SLC43A2: variants seen among roughly 807,000 people sequenced by gnomAD.
The protein encoded by SLC43A2 is solute carrier family 43 member 2, also known as large neutral amino acids transporter small subunit 4.
In SLC43A2, 38 loss-of-function variants were observed where a neutral mutation model predicts 63.2. The ratio of observed to expected loss-of-function variants is 0.60; its 90% CI spans 0.46 to 0.79. SLC43A2 has a LOEUF of 0.79. Ranked by LOEUF, SLC43A2 falls within the 30% of genes least tolerant of loss-of-function variation. The pLI is 0.00. For synonymous variants in SLC43A2, 322 were observed against 331.0 expected, an observed-to-expected ratio of 0.97 and a Z score of 0.30; for missense variants, 644 against 756.2, an observed-to-expected ratio of 0.85 and a Z score of 1.74.
At chr17:1,619,141 C>G (rs1225558380) in intron 2 of SLC43A2, among the ~76,000 whole-genome samples, 1 of 152,000 alleles carries the variant, frequency 6.6e-6, no homozygotes, top group Non-Finnish European at 1.5e-5. Flanking sequence ...CCCATCTCTA[C>G]TAAAAATACA....
intron 6 of SLC43A2, 34 bp from the exon 7 acceptor site, chr17:1,591,733 G>GC: frequency 3.3e-6 from 2 of 598,518 alleles, no homozygotes; most frequent in South Asian, 1.6e-5. Context: ...GTGGGGGGGG[G>GC]AGGGGGCAGA....
intron 5 of SLC43A2, among the ~76,000 whole-genome samples, chr17:1,600,549 C>CTTTTTTT (rs398030152): frequency 2.7e-5 from 2 of 73,764 alleles, no homozygotes; most frequent in African/African-American, 1.0e-4. Context: ...TTTCTTTCCT[C>CTTTTTTT]TTTTTTTTTT....
chr17:1,613,872 G>A (rs1907347219), intron 4 of SLC43A2, among the ~76,000 whole-genome samples: 1 of 152,134 alleles, frequency 6.6e-6, no homozygotes, highest in Non-Finnish European at 1.5e-5. Context: ...GCTGAAGCAG[G>A]AGAATTGCTT....
At chr17:1,627,280 G>C (rs1908741444) in intron 2 of SLC43A2, among the ~76,000 whole-genome samples, 1 of 152,120 alleles carries the variant, frequency 6.6e-6, no homozygotes, top group South Asian at 2.1e-4. Context: ...CCCTGGGGTG[G>C]AGGCAAGGCC....
Position 1,591,354 on chromosome 17 carries a change from G to T in SLC43A2, c.846C>A (p.Ala282=). 1 of 1,611,282 alleles carries T rather than the reference G, an allele frequency of 6.2e-7. No homozygotes were observed. The change falls in exon 8 of 14, where the codon GCC becomes GCA. Residue 282 remains alanine (A), a synonymous_variant. Coordinates refer to ENST00000301335, the MANE Select transcript of SLC43A2 (RefSeq NM_152346.3). ...RLSVGSSMRS[A]KEQVALQEGH... is the part of the protein sequence containing the mutation. ...CCTCCTGCAGCGCCACCTGCTCCTT[G>T]GCACTCCTCATGGAGCTGCCCACAC... is the stretch of plus-strand genomic sequence containing the variant.
In SLC43A2 at chr17:1,571,161, T is replaced by C. The variant is rs1284922589; in HGVS notation, c.*4443A>G. The C allele has an allele frequency of 6.6e-6, 1 of 152,202 alleles. No homozygotes were observed. Among genetic ancestry groups the C allele is most frequent in the African/African-American group, 2.4e-5 (1 of 41,450 alleles). The allele number at this position is 152,202 out of a possible 1,614,324, so 9.4% of individuals were successfully genotyped here. On this transcript the variant is annotated 3_prime_UTR_variant, in exon 14 of 14. Coordinates refer to ENST00000301335, the MANE Select transcript of SLC43A2 (RefSeq NM_152346.3). The surrounding 1 kb of genome is among the most constrained non-coding windows in gnomAD (Gnocchi z 5.2). ...GTGGAGTGTGCTGCACCTCCTTCAG[T>C]GGCCTTCAGGAGCTCTGTCCTCACC... is the stretch of plus-strand genomic sequence containing the variant.
Position 1,591,714 on chromosome 17 carries a change from G to A in SLC43A2, c.595-15C>T, listed in dbSNP as rs757067443. ...TCATAGATGAGCTGACAGGCACCGC[G>A]GGGACGGGGTGGGGGGGGGAGGGGG... is the stretch of plus-strand genomic sequence containing the variant. On this transcript the variant is annotated splice_polypyrimidine_tract_variant and intron_variant, in intron 6 of 13. Transcript: ENST00000301335. 2.4e-5 allele frequency: 30 copies of A among 1,241,016 alleles called. No homozygotes were observed. Among genetic ancestry groups the A allele is most frequent in the Admixed American group, 2.1e-4 (10 of 48,278 alleles). 76.9% of individuals were successfully genotyped at this position (1,241,016 alleles called of 1,614,324 possible). A position where few individuals can be genotyped will look rare whatever the true frequency, so the allele number is the denominator to read the frequency against.
At chr17:1,612,373 C>T (rs1013909710) in intron 5 of SLC43A2, among the ~76,000 whole-genome samples, 1 of 152,200 alleles carries the variant, frequency 6.6e-6, no homozygotes, top group Non-Finnish European at 1.5e-5. Flanking sequence ...GTGCTTAGTA[C>T]CCCGAGAAAA....
At chr17:1,580,405 C>T (rs191344252) in intron 11 of SLC43A2, among the ~76,000 whole-genome samples, 3 of 152,362 alleles carry the variant, frequency 2.0e-5, no homozygotes, top group Non-Finnish European at 4.4e-5. Context: ...CAAGAGGTTG[C>T]TGACCACGGC....
rs78703872 is a variant in SLC43A2, at chr17:1,574,228, G to T, written c.*1376C>A. On this transcript the variant is annotated 3_prime_UTR_variant, in exon 14 of 14. Transcript: ENST00000301335. ...CCCAGTTTGTTTGGGGGTTGGGGAG[G>T]AAGGTCTTTTCCTGGCCCACTGTCC... 7,888 of 152,508 alleles carry T rather than the reference G, an allele frequency of 0.052. 245 individuals are homozygous for T. Among genetic ancestry groups the T allele is most frequent in the East Asian group, 0.1 (528 of 5,172 alleles). 9.4% of individuals were successfully genotyped at this position (152,508 alleles called of 1,614,324 possible). A position where few individuals can be genotyped will look rare whatever the true frequency, so the allele number is the denominator to read the frequency against.
chr17:1,576,343 C>T (rs2075930354), intron 13 of SLC43A2, among the ~76,000 whole-genome samples: 2 of 152,164 alleles, frequency 1.3e-5, no homozygotes, highest in Admixed American at 6.6e-5. Flanking sequence ...CTCGGCCTCT[C>T]AAAGTGCTGG....
At chr17:1,624,860 C>A (rs1908519194) in intron 2 of SLC43A2, among the ~76,000 whole-genome samples, 2 of 152,120 alleles carry the variant, frequency 1.3e-5, no homozygotes, top group South Asian at 4.1e-4. Context: ...TGCAACACTA[C>A]ATTCCAGACT....
At chr17:1,595,388 T>C (rs1490835399) in intron 5 of SLC43A2, among the ~76,000 whole-genome samples, 2 of 146,232 alleles carry the variant, frequency 1.4e-5, no homozygotes, top group South Asian at 4.5e-4. Flanking sequence ...TCAAGTGATC[T>C]TCCCCCCCCA....
intron 13 of SLC43A2, 91 bp from the exon 14 acceptor site, chr17:1,575,856 A>T: frequency 7.0e-7 from 1 of 1,431,326 alleles, no homozygotes; most frequent in Non-Finnish European, 9.3e-7. Flanking sequence ...AAAGGGGAGA[A>T]GGTCACGGGG....
intron 5 of SLC43A2, among the ~76,000 whole-genome samples, chr17:1,609,164 G>A (rs559136099): frequency 6.6e-6 from 1 of 152,198 alleles, no homozygotes; most frequent in East Asian, 1.9e-4. Flanking sequence ...GGGACATGGA[G>A]GAAAAGACAC....
intron 6 of SLC43A2, 31 bp from the exon 7 acceptor site, chr17:1,591,730 G>C (rs759188303): frequency 7.3e-6 from 6 of 822,982 alleles, no homozygotes; most frequent in Admixed American, 2.3e-5. Context: ...GGGGTGGGGG[G>C]GGGAGGGGGC....
At chr17:1,627,369 C>G (rs1016141727) in intron 2 of SLC43A2, among the ~76,000 whole-genome samples, 1 of 152,152 alleles carries the variant, frequency 6.6e-6, no homozygotes, top group African/African-American at 2.4e-5. Flanking sequence ...TGTTTACTAC[C>G]AGCCAAGCTA....
chr17:1,578,186 C>T lies in SLC43A2; in HGVS notation c.1424+64G>A. ...TGCCTCAGAGTCTCAGTCCCACCAG[C>T]AACCTCCCCCCGGCCATTCCCACAC... On this transcript the variant is annotated intron_variant, in intron 12 of 13. Coordinates refer to ENST00000301335, the MANE Select transcript of SLC43A2 (RefSeq NM_152346.3). The surrounding 1 kb of genome is among the most constrained non-coding windows in gnomAD (Gnocchi z 6.5). 1 of 1,533,308 alleles carries T rather than the reference C, an allele frequency of 6.5e-7. No individual in the cohort carries two copies. The highest frequency in any genetic ancestry group is 1.7e-5 in the Admixed American group (1 of 59,304). 95.0% of individuals were successfully genotyped at this position (1,533,308 alleles called of 1,614,324 possible).
At chr17:1,604,544 G>C (rs1033971983) in intron 5 of SLC43A2, 6 of 643,902 alleles carry the variant, frequency 9.3e-6, no homozygotes, top group African/African-American at 7.3e-5. Flanking sequence ...TCACCACACT[G>C]ATGCTGAACT....
Sources: allele counts gnomAD v4.1 joint callset (sites outside exome capture counted in the v4.1 genomes callset), GRCh38; gene constraint gnomAD v4.1.1; non-coding constraint Gnocchi (gnomAD v3.1); transcripts MANE v1.5; gene names NCBI Gene and HGNC (gene_info 2026-07-23, HGNC 2026-07-21).